Variants in RABGAP1L observed in about 807,000 individuals in gnomAD.
RABGAP1L encodes the protein rab GTPase-activating protein 1-like.
RABGAP1L carries 63 observed loss-of-function variants against 137.7 expected under a neutral mutation model. That is an observed-to-expected ratio of 0.46 (90% CI 0.37 to 0.56). RABGAP1L has a LOEUF of 0.56. Among genes scored for constraint, RABGAP1L ranks in the 20% least tolerant of loss-of-function variants. The probability of loss-of-function intolerance (pLI) is 0.00; values close to 1 mark genes in which losing one functional copy is unlikely to be tolerated. For missense variants in RABGAP1L, 1,095 were observed against 1,244.0 expected, an observed-to-expected ratio of 0.88 and a Z score of 1.80; for synonymous variants, 431 against 433.7, an observed-to-expected ratio of 0.99 and a Z score of 0.08.
intron 17 of RABGAP1L, among the ~76,000 whole-genome samples, chr1:174,714,919 A>G (rs928398055): frequency 1.3e-5 from 2 of 152,186 alleles, no homozygotes; most frequent in African/African-American, 4.8e-5. Flanking sequence ...ACATTTGATA[A>G]ATGTAATATT....
chr1:174,420,776 G>A (rs542257414), intron 13 of RABGAP1L, among the ~76,000 whole-genome samples: 3 of 150,936 alleles, frequency 2.0e-5, no homozygotes, highest in African/African-American at 7.3e-5. Flanking sequence ...CTGGGTTCAC[G>A]CCATTCTCCT....
At chr1:174,818,414 A>T (rs1274017891) in intron 19 of RABGAP1L, among the ~76,000 whole-genome samples, 5 of 152,216 alleles carry the variant, frequency 3.3e-5, no homozygotes, top group African/African-American at 9.6e-5. Flanking sequence ...GCAATATTTA[A>T]CGAAAAGACA....
intron 19 of RABGAP1L, among the ~76,000 whole-genome samples, chr1:174,952,506 G>A (rs1399385035): frequency 1.3e-5 from 2 of 151,294 alleles, no homozygotes; most frequent in Non-Finnish European, 2.9e-5. Context: ...ACAAGACCCT[G>A]TCTCTTAAAA....
intron 17 of RABGAP1L, among the ~76,000 whole-genome samples, chr1:174,746,298 G>T (rs1308896648): frequency 6.6e-6 from 1 of 152,200 alleles, no homozygotes; most frequent in East Asian, 1.9e-4. Context: ...CAAAGATGAT[G>T]CCAGAATGTA....
In RABGAP1L at chr1:174,752,306, A is replaced by G. The variant is rs368564114; in HGVS notation, c.2170-7A>G. The G allele has an allele frequency of 1.4e-4, 224 of 1,578,356 alleles. No individual in the cohort carries two copies. Among genetic ancestry groups the G allele is most frequent in the Middle Eastern group, 6.7e-4 (4 of 6,012 alleles). On this transcript the variant is annotated splice_polypyrimidine_tract_variant and splice_region_variant and intron_variant, in intron 17 of 25. Transcript: ENST00000681986. ...GTACTAATCTTCACTTTCTTTTTCT[A>G]TTTCAGGGTTTGAACATAATCTTTC...
intron 12 of RABGAP1L, among the ~76,000 whole-genome samples, chr1:174,383,673 G>T (rs1006053186): frequency 2.0e-5 from 3 of 151,610 alleles, no homozygotes; most frequent in African/African-American, 7.3e-5. Context: ...GCACCCACTG[G>T]CCTGCACCCA....
intron 13 of RABGAP1L, among the ~76,000 whole-genome samples, chr1:174,497,967 G>T (rs1048762581): frequency 2.0e-5 from 3 of 152,142 alleles, no homozygotes; most frequent in African/African-American, 4.8e-5. Context: ...TATCTATAGA[G>T]TGATCACTAT....
chr1:174,646,983 G>A (rs1316875953), intron 14 of RABGAP1L, among the ~76,000 whole-genome samples: 2 of 150,948 alleles, frequency 1.3e-5, no homozygotes, highest in African/African-American at 4.9e-5. Flanking sequence ...ATTGTGAATG[G>A]GAGTTTACTC....
intron 13 of RABGAP1L, among the ~76,000 whole-genome samples, chr1:174,599,658 G>A (rs1327288935): frequency 6.6e-6 from 1 of 152,042 alleles, no homozygotes; most frequent in African/African-American, 2.4e-5. Flanking sequence ...CCACTCTCCT[G>A]TTTTGTAGGG....
intron 1 of RABGAP1L, among the ~76,000 whole-genome samples, chr1:174,194,235 CT>C (rs59046200): frequency 5.5e-3 from 756 of 136,862 alleles, no homozygotes; most frequent in Admixed American, 6.6e-3. Context: ...TCAGTTAATT[CT>C]TTTTTTTTTT....
chr1:174,636,607 A>C (rs760102856), intron 13 of RABGAP1L, among the ~76,000 whole-genome samples: 15 of 151,948 alleles, frequency 9.9e-5, no homozygotes, highest in Non-Finnish European at 1.6e-4. Flanking sequence ...TTGGGTAATT[A>C]ACCTGGGAAA....
chr1:174,886,899 C>G (rs1372824124), intron 19 of RABGAP1L, among the ~76,000 whole-genome samples: 1 of 152,004 alleles, frequency 6.6e-6, no homozygotes, highest in Non-Finnish European at 1.5e-5. Context: ...CTTCGCCTTC[C>G]AGGTTCAAGC....
intron 12 of RABGAP1L, among the ~76,000 whole-genome samples, chr1:174,375,722 A>C (rs1021297769): frequency 6.6e-6 from 1 of 152,180 alleles, no homozygotes; most frequent in Non-Finnish European, 1.5e-5. Flanking sequence ...AAAGTTTTCA[A>C]TAGAGAAAAT....
At chr1:174,406,941 A>C (rs552653587) in intron 13 of RABGAP1L, among the ~76,000 whole-genome samples, 4 of 152,020 alleles carry the variant, frequency 2.6e-5, no homozygotes, top group African/African-American at 9.7e-5. Context: ...CTGGGATTAC[A>C]CTCCTGTATT....
At chr1:174,225,348 G>T (rs1271722309) in intron 3 of RABGAP1L, among the ~76,000 whole-genome samples, 1 of 151,950 alleles carries the variant, frequency 6.6e-6, no homozygotes, top group Non-Finnish European at 1.5e-5. Context: ...GAGCAACTGG[G>T]ACATCTTGGG....
intron 14 of RABGAP1L, among the ~76,000 whole-genome samples, chr1:174,644,598 C>G (rs1674802860): frequency 1.3e-5 from 2 of 151,822 alleles, no homozygotes; most frequent in Admixed American, 1.3e-4. Context: ...ATAAAATGCT[C>G]TTTATGGTGC....
intron 12 of RABGAP1L, among the ~76,000 whole-genome samples, chr1:174,384,986 A>G (rs1251380330): frequency 1.3e-5 from 2 of 152,156 alleles, no homozygotes; most frequent in Non-Finnish European, 2.9e-5. Context: ...CTTCATCTTG[A>G]ACCCTGGGAA....
At chr1:174,319,645 A>G (rs1387353031) in intron 11 of RABGAP1L, among the ~76,000 whole-genome samples, 1 of 152,140 alleles carries the variant, frequency 6.6e-6, no homozygotes, top group Non-Finnish European at 1.5e-5. Context: ...AAAAGCATCT[A>G]GTTTCTTACT....
intron 19 of RABGAP1L, among the ~76,000 whole-genome samples, chr1:174,934,414 A>G (rs1469859461): frequency 2.6e-5 from 4 of 152,058 alleles, no homozygotes; most frequent in African/African-American, 9.7e-5. Flanking sequence ...TACTTATTTT[A>G]AGCTCACATC....
Sources: gnomAD v4.1 joint callset for allele counts (sites outside exome capture counted in the v4.1 genomes callset) on GRCh38, gnomAD v4.1.1 for gene constraint, MANE v1.5 for transcripts, NCBI Gene and HGNC (gene_info 2026-07-23, HGNC 2026-07-21) for gene names.